Variants in ADAMTS17 observed in about 807,000 individuals in gnomAD.
ADAMTS17 encodes the protein A disintegrin and metalloproteinase with thrombospondin motifs 17.
Under a neutral mutation model 141.5 loss-of-function variants are expected in ADAMTS17, and 113 were observed. That is an observed-to-expected ratio of 0.80 (90% CI 0.69 to 0.93). The LOEUF (loss-of-function observed/expected upper bound fraction) is 0.93. ADAMTS17 is among the 40% of genes least tolerant of loss of function. ADAMTS17 has a pLI of 0.00. For synonymous variants in ADAMTS17, 768 were observed against 630.6 expected (o/e 1.22, Z -3.27); for missense variants, 1,659 against 1,517.9 (o/e 1.09, Z -1.54).
chr15:100,087,466 G>A (rs949643642), intron 15 of ADAMTS17, among the ~76,000 whole-genome samples: 11 of 151,884 alleles, frequency 7.2e-5, no homozygotes, highest in African/African-American at 2.7e-4. Flanking sequence ...GAAAAAGAGG[G>A]AATCCTCCCT....
chr15:100,299,232 T>G (rs1460347145), intron 3 of ADAMTS17, among the ~76,000 whole-genome samples: 1 of 151,968 alleles, frequency 6.6e-6, no homozygotes, highest in Admixed American at 6.6e-5. Context: ...CAGATACTCA[T>G]CTTCCCTGCC....
intron 3 of ADAMTS17, among the ~76,000 whole-genome samples, chr15:100,282,333 A>G (rs1436860149): frequency 6.6e-6 from 1 of 152,188 alleles, no homozygotes; most frequent in East Asian, 1.9e-4. Context: ...TCATTCCAGG[A>G]CCAAAACTGG....
intron 7 of ADAMTS17, among the ~76,000 whole-genome samples, chr15:100,224,843 AG>A (rs1482851808): frequency 1.3e-5 from 2 of 152,260 alleles, no homozygotes; most frequent in African/African-American, 4.8e-5. Context: ...TTGTCAAAAC[AG>A]GGCCACCCAC....
intron 20 of ADAMTS17, among the ~76,000 whole-genome samples, chr15:99,983,410 G>A (rs568170401): frequency 6.6e-6 from 1 of 151,134 alleles, no homozygotes; most frequent in Non-Finnish European, 1.5e-5. Flanking sequence ...CCACCTGCCC[G>A]TACCACCCCC....
At chr15:100,006,982 T>C (rs904674761) in intron 18 of ADAMTS17, among the ~76,000 whole-genome samples, 7 of 152,318 alleles carry the variant, frequency 4.6e-5, no homozygotes, top group African/African-American at 1.4e-4. Context: ...TGTTCCCAGA[T>C]ACGTGAGTGT....
intron 15 of ADAMTS17, among the ~76,000 whole-genome samples, chr15:100,057,328 G>A (rs555298673): frequency 5.9e-5 from 9 of 152,294 alleles, no homozygotes; most frequent in Admixed American, 5.9e-4. Context: ...AGGAGACAGA[G>A]ATGAGCAAAT....
chr15:100,140,474 C>CACACACACACACACAG (rs2038573487), intron 10 of ADAMTS17, among the ~76,000 whole-genome samples: 2 of 76,184 alleles, frequency 2.6e-5, no homozygotes, highest in African/African-American at 8.2e-5. Context: ...CACACAGACA[C>CACACACACACACACAG]ACACACATAC....
At chr15:100,206,641 G>C (rs547327725) in intron 7 of ADAMTS17, among the ~76,000 whole-genome samples, 1 of 152,184 alleles carries the variant, frequency 6.6e-6, no homozygotes, top group African/African-American at 2.4e-5. Context: ...TTTTAGGTGG[G>C]GGTGAGGCTG....
chr15:100,115,352 G>A (rs2037049213), intron 13 of ADAMTS17, among the ~76,000 whole-genome samples: 2 of 152,186 alleles, frequency 1.3e-5, no homozygotes, highest in African/African-American at 4.8e-5. Context: ...CTCAACTGCA[G>A]GGAAAATTCA....
intron 3 of ADAMTS17, among the ~76,000 whole-genome samples, chr15:100,309,405 T>TG (rs2045332004): frequency 6.6e-6 from 1 of 152,182 alleles, no homozygotes; most frequent in East Asian, 1.9e-4. Context: ...GCTGTGATGG[T>TG]GGTCGGCGCT....
intron 7 of ADAMTS17, among the ~76,000 whole-genome samples, chr15:100,240,672 G>A (rs774028870): frequency 6.6e-6 from 1 of 152,124 alleles, no homozygotes; most frequent in Non-Finnish European, 1.5e-5. Context: ...CTGCCACCCA[G>A]AACTCAGTCC....
intron 6 of ADAMTS17, among the ~76,000 whole-genome samples, chr15:100,259,213 G>A (rs1331013528): frequency 1.3e-5 from 2 of 152,206 alleles, no homozygotes; most frequent in South Asian, 2.1e-4. Context: ...AAGTCTTTCA[G>A]ACCAAATATA....
chr15:100,072,788 T>TC (rs1173591324), intron 15 of ADAMTS17, among the ~76,000 whole-genome samples: 1 of 152,140 alleles, frequency 6.6e-6, no homozygotes, highest in Admixed American at 6.5e-5. Flanking sequence ...ATGTTAGATC[T>TC]AAAACCATAA....
In ADAMTS17 at chr15:100,223,812, T is replaced by G. The variant is rs971676051; in HGVS notation, c.1076-24389A>C. 7.2e-5 allele frequency among the ~76,000 whole-genome samples: 11 copies of G among 152,016 alleles called. 1 individual carries two copies. The highest frequency in any genetic ancestry group is 2.7e-4 in the African/African-American group (11 of 41,478). On this transcript the variant is annotated intron_variant, in intron 7 of 21. Coordinates refer to ENST00000268070, the MANE Select transcript of ADAMTS17 (RefSeq NM_139057.4). ...CTGTGTGGGTGTATATATATGTGTGTGTGTGTATATATGTGTGTATATATA... is the reference window on the plus strand; with the variant it reads ...CTGTGTGGGTGTATATATATGTGTGGGTGTGTATATATGTGTGTATATATA...
intron 3 of ADAMTS17, among the ~76,000 whole-genome samples, chr15:100,313,039 T>C (rs1209218371): frequency 6.6e-6 from 1 of 152,176 alleles, no homozygotes; most frequent in Non-Finnish European, 1.5e-5. Flanking sequence ...GAAGCAACTA[T>C]AGTCACAAAA....
chr15:100,251,612 C>A (rs2043156842), intron 7 of ADAMTS17, among the ~76,000 whole-genome samples: 1 of 152,208 alleles, frequency 6.6e-6, no homozygotes, highest in Non-Finnish European at 1.5e-5. Context: ...GTAGTCCCAG[C>A]TACTCAGGAG....
intron 7 of ADAMTS17, among the ~76,000 whole-genome samples, chr15:100,253,196 C>T (rs528072774): frequency 6.6e-6 from 1 of 151,522 alleles, no homozygotes; most frequent in Non-Finnish European, 1.5e-5. Context: ...CGCGTTATGG[C>T]AGGGAAAACT....
Position 99,978,213 on chromosome 15 carries a change from C to G in ADAMTS17, c.2950-1991G>C, listed in dbSNP as rs536903678. Reference sequence around the variant, plus strand: ...GGAGGCGGTGGTGTCCCATCTGTGCCTGGGAGGGCTGTCTGCTCCCAGGGG... The same window carrying G: ...GGAGGCGGTGGTGTCCCATCTGTGCGTGGGAGGGCTGTCTGCTCCCAGGGG... On this transcript the variant is annotated intron_variant, in intron 20 of 21. Transcript: ENST00000268070. 2.0e-5 allele frequency among the ~76,000 whole-genome samples: 3 copies of G among 152,302 alleles called. No homozygotes were observed. In the East Asian group the frequency reaches 5.8e-4, roughly 29 times the overall value.
chr15:100,286,260 A>G (rs2044444915), intron 3 of ADAMTS17, among the ~76,000 whole-genome samples: 1 of 152,060 alleles, frequency 6.6e-6, no homozygotes, highest in African/African-American at 2.4e-5. Flanking sequence ...CTGCCCTACC[A>G]CTGATGGCAG....
Sources: allele counts gnomAD v4.1 joint callset (sites outside exome capture counted in the v4.1 genomes callset), GRCh38; gene constraint gnomAD v4.1.1; transcripts MANE v1.5; gene names NCBI Gene and HGNC (gene_info 2026-07-23, HGNC 2026-07-21).